The following ACOT7 variants were observed in gnomAD, a reference collection of about 807,000 sequenced individuals.
ACOT7 encodes the protein acyl-CoA thioesterase 7.
Under a neutral mutation model 40.2 loss-of-function variants are expected in ACOT7, and 12 were observed. The observed-to-expected ratio is 0.30, with a 90% confidence interval of 0.19 to 0.48. The LOEUF is 0.48. ACOT7 is among the 20% of genes least tolerant of loss of function. The pLI, the probability that ACOT7 is intolerant of heterozygous loss-of-function variation, is 0.99. For synonymous variants in ACOT7, 228 were observed against 219.5 expected (o/e 1.04, Z -0.34); for missense variants, 395 against 530.8 (o/e 0.74, Z 2.51).
intron 1 of ACOT7, among the ~76,000 whole-genome samples, chr1:6,390,661 C>T (rs915934916): frequency 6.6e-6 from 1 of 150,468 alleles, no homozygotes; most frequent in South Asian, 2.1e-4. Flanking sequence ...ACGGGCCAGG[C>T]GCAGTGGCTC....
At chr1:6,360,292 G>A (rs952857667) in intron 1 of ACOT7, among the ~76,000 whole-genome samples, 1 of 152,234 alleles carries the variant, frequency 6.6e-6, no homozygotes, top group East Asian at 1.9e-4. Flanking sequence ...GGAGGTCAGA[G>A]GGCTGAGTCT....
intron 3 of ACOT7, 24 bp downstream of exon 3, chr1:6,339,409 C>T: frequency 6.2e-7 from 1 of 1,611,956 alleles, no homozygotes; most frequent in African/African-American, 1.3e-5. Context: ...CTGCTCCAGT[C>T]AACACTGTCG....
intron 1 of ACOT7, among the ~76,000 whole-genome samples, chr1:6,386,853 G>A (rs753810930): frequency 1.5e-4 from 23 of 152,126 alleles, no homozygotes; most frequent in Non-Finnish European, 2.4e-4. Context: ...AACTAAGCGA[G>A]ACCCTGTCTC....
At chr1:6,269,082 A>G (rs1638943926) in intron 8 of ACOT7, among the ~76,000 whole-genome samples, 1 of 152,142 alleles carries the variant, frequency 6.6e-6, no homozygotes, top group African/African-American at 2.4e-5. Context: ...CTTCCCAACA[A>G]CCCCACCAAG....
intron 1 of ACOT7, among the ~76,000 whole-genome samples, chr1:6,374,547 A>G (rs1213252200): frequency 1.3e-5 from 2 of 152,228 alleles, no homozygotes; most frequent in Non-Finnish European, 2.9e-5. Flanking sequence ...GAGATCAAGC[A>G]CCACAACCTG....
At chr1:6,293,941 C>T (rs1325721461) in intron 7 of ACOT7, among the ~76,000 whole-genome samples, 3 of 152,186 alleles carry the variant, frequency 2.0e-5, no homozygotes, top group Non-Finnish European at 2.9e-5. Flanking sequence ...CTGGGCTACC[C>T]GGGGCCTGGG....
intron 4 of ACOT7, among the ~76,000 whole-genome samples, chr1:6,327,900 G>C (rs1279150102): frequency 6.6e-6 from 1 of 151,738 alleles, no homozygotes; most frequent in Admixed American, 6.6e-5. Context: ...CAGCCTCCCC[G>C]GTACCTGGGA....
At chr1:6,272,176 C>T (rs930731114) in intron 8 of ACOT7, among the ~76,000 whole-genome samples, 3 of 152,274 alleles carry the variant, frequency 2.0e-5, no homozygotes, top group Non-Finnish European at 4.4e-5. Flanking sequence ...TGGAGCCCTT[C>T]CTGTCCTGCT....
At chr1:6,324,304 T>C (rs145768936) in intron 5 of ACOT7, among the ~76,000 whole-genome samples, 136 of 152,232 alleles carry the variant, frequency 8.9e-4, no homozygotes, top group African/African-American at 3.1e-3. Context: ...GAGTCTCTAA[T>C]CCAATCATCT....
chr1:6,393,042 C>A (rs957509135), intron 1 of ACOT7, among the ~76,000 whole-genome samples: 5 of 151,650 alleles, frequency 3.3e-5, no homozygotes, highest in Non-Finnish European at 5.9e-5. Context: ...CAGGAGGAGC[C>A]GGCTGGAGGC....
At chr1:6,357,872 T>TC (rs1641790473) in intron 1 of ACOT7, among the ~76,000 whole-genome samples, 1 of 147,288 alleles carries the variant, frequency 6.8e-6, no homozygotes, top group Non-Finnish European at 1.5e-5. Context: ...CTTCTCCTCT[T>TC]TTTTTTTTTT....
Position 6,288,587 on chromosome 1 carries a change from G to A in ACOT7, c.829+6277C>T, listed in dbSNP as rs1639573195. Among the ~76,000 whole-genome samples the A allele has an allele frequency of 6.6e-6, 1 of 152,230 alleles. No individual in the cohort carries two copies. Among genetic ancestry groups the A allele is most frequent in the Admixed American group, 6.5e-5 (1 of 15,288 alleles). On this transcript the variant is annotated intron_variant, in intron 7 of 8. Transcript: ENST00000361521. This position sits in a 1 kb window ranked among gnomAD's most constrained non-coding sequence, Gnocchi z 4.3. ...CCTAGCGTCAAAAGGCTGTGACAAT[G>A]GAGGTGGCACTGGGTTGGGCTGGTG...
At chr1:6,324,323 T>C (rs1640740976) in intron 5 of ACOT7, among the ~76,000 whole-genome samples, 1 of 152,230 alleles carries the variant, frequency 6.6e-6, no homozygotes. Context: ...CTGAGGAAGA[T>C]ACATTTTTAT....
At position 6,355,073 on chromosome 1, in the gene ACOT7, C is replaced by CGA. The variant is rs1641705322; in HGVS notation, c.144-5209_144-5208dup. On this transcript the variant is annotated intron_variant, in intron 1 of 8. Coordinates refer to ENST00000361521, the MANE Select transcript of ACOT7 (RefSeq NM_007274.4). This position sits in a 1 kb window ranked among gnomAD's most constrained non-coding sequence, Gnocchi z 5.0. ...CAACTCTCACTGCCCTGCGGGGCTC[C>CGA]GACCTGCACCTGCCAGAGCACTGCT... Among the ~76,000 whole-genome samples, 1 of 152,166 alleles carries CGA rather than the reference C, an allele frequency of 6.6e-6. No homozygotes were observed. Among genetic ancestry groups the CGA allele is most frequent in the South Asian group, 2.1e-4 (1 of 4,832 alleles).
intron 1 of ACOT7, among the ~76,000 whole-genome samples, chr1:6,351,378 G>C (rs998065722): frequency 6.6e-6 from 1 of 152,268 alleles, no homozygotes; most frequent in Non-Finnish European, 1.5e-5. Context: ...GGCTTCTCAA[G>C]TGTTCATTTT....
intron 7 of ACOT7, among the ~76,000 whole-genome samples, chr1:6,293,852 T>G (rs1295601539): frequency 6.6e-6 from 1 of 152,212 alleles, no homozygotes; most frequent in Non-Finnish European, 1.5e-5. Context: ...ATTCCAATCT[T>G]AGGTGCTTCT....
intron 1 of ACOT7, among the ~76,000 whole-genome samples, chr1:6,379,885 ACT>A (rs1489123660): frequency 1.3e-5 from 2 of 151,012 alleles, no homozygotes; most frequent in Non-Finnish European, 3.0e-5. Context: ...ACGTGTTGAA[ACT>A]CTGTCTCTGC....
intron 1 of ACOT7, chr1:6,360,609 T>C: frequency 6.2e-7 from 1 of 1,614,242 alleles, no homozygotes; most frequent in South Asian, 1.1e-5. Context: ...GTCGACTTCC[T>C]TTCTGAGGAC....
intron 1 of ACOT7, chr1:6,385,736 T>C: frequency 6.5e-7 from 1 of 1,534,676 alleles, no homozygotes; most frequent in Non-Finnish European, 8.8e-7. Flanking sequence ...AGCCTGTGTC[T>C]GCCTGGCCGG....
Sources: allele counts gnomAD v4.1 joint callset (sites outside exome capture counted in the v4.1 genomes callset), GRCh38; gene constraint gnomAD v4.1.1; non-coding constraint Gnocchi (gnomAD v3.1); transcripts MANE v1.5; gene names NCBI Gene and HGNC (gene_info 2026-07-23, HGNC 2026-07-21).